The following GSE1 variants were observed in gnomAD, a reference collection of about 807,000 sequenced individuals.
The protein encoded by GSE1 is genetic suppressor element 1.
A neutral mutation model predicts 112.6 loss-of-function variants in GSE1; 32 were observed. That is an observed-to-expected ratio of 0.28 (90% CI 0.21 to 0.38). The LOEUF is 0.38. Among genes scored for constraint, GSE1 ranks in the 10% least tolerant of loss-of-function variants. GSE1 has a pLI of 1.00. For missense variants in GSE1, 2,348 were observed against 1,699.2 expected, an observed-to-expected ratio of 1.38 and a Z score of -6.71; for synonymous variants, 1,115 against 735.6, an observed-to-expected ratio of 1.52 and a Z score of -8.35.
intron 1 of GSE1, among the ~76,000 whole-genome samples, chr16:85,214,671 C>T (rs2075280103): frequency 6.6e-6 from 1 of 152,190 alleles, no homozygotes; most frequent in South Asian, 2.1e-4. Context: ...TCTGAGGCCT[C>T]CCTCTCTGGC....
intron 2 of GSE1, among the ~76,000 whole-genome samples, chr16:85,500,998 G>GTTTTTTTTTTGTT (rs2051342155): frequency 6.2e-5 from 4 of 64,820 alleles, no homozygotes; most frequent in African/African-American, 2.6e-4. Flanking sequence ...GGCCTGTTCT[G>GTTTTTTTTTTGTT]TTTTTTTTTT....
rs201861933 is a variant in GSE1, at chr16:85,661,673, C to T, written c.2168C>T (p.Ala723Val). 2.2e-3 allele frequency: 3,619 copies of T among 1,610,648 alleles called. 6 individuals are homozygous for T. Among genetic ancestry groups the T allele is most frequent in the Non-Finnish European group, 2.9e-3 (3,459 of 1,179,222 alleles). Residue 723 changes from alanine (A) to valine (V), a missense_variant, in exon 9 of 16, where the codon GCC becomes GTC. Ala to Val is a moderately conservative substitution (Grantham distance 64). Transcript: ENST00000253458. ...CCAGTGCCACGGGCCCCCGACCCTG[C>T]CTACATCTATGATGAGTTCCTGCAG... is the stretch of plus-strand genomic sequence containing the variant. ...RPPVPRAPDP[A>V]YIYDEFLQQR...
At chr16:85,454,295 C>T (rs2049765134) in intron 2 of GSE1, among the ~76,000 whole-genome samples, 1 of 152,218 alleles carries the variant, frequency 6.6e-6, no homozygotes, top group African/African-American at 2.4e-5. Flanking sequence ...TGCCCCAGGC[C>T]CTTGGTTCCT....
chr16:85,552,487 A>C (rs2044972887), upstream of GSE1, among the ~76,000 whole-genome samples: 2 of 121,628 alleles, frequency 1.6e-5, 1 homozygote, highest in Non-Finnish European at 3.7e-5. Context: ...GCCCGTCACC[A>C]CGCCCGGCTA....
intron 2 of GSE1, among the ~76,000 whole-genome samples, chr16:85,534,808 C>T (rs1345092946): frequency 6.6e-6 from 1 of 152,194 alleles, no homozygotes; most frequent in Non-Finnish European, 1.5e-5. Flanking sequence ...TGACGTCCGT[C>T]AGCGTTGCTG....
chr16:85,464,995 G>A (rs1175478353), intron 2 of GSE1, among the ~76,000 whole-genome samples: 1 of 152,240 alleles, frequency 6.6e-6, no homozygotes, highest in Non-Finnish European at 1.5e-5. Flanking sequence ...AGGAAACAGT[G>A]TGCTCGTTTT....
chr16:85,580,676 AG>A (rs2046412333), intron 1 of GSE1, among the ~76,000 whole-genome samples: 1 of 152,246 alleles, frequency 6.6e-6, no homozygotes, highest in Admixed American at 6.5e-5. Context: ...CCCGACCCTC[AG>A]GGTGGCTGTA....
chr16:85,653,102 C>T (rs1278403854), intron 3 of GSE1, among the ~76,000 whole-genome samples: 1 of 148,354 alleles, frequency 6.7e-6, no homozygotes, highest in African/African-American at 2.5e-5. Flanking sequence ...AGAACGGCTG[C>T]CCCAGTGACA....
chr16:85,654,266 C>A lies in GSE1; in HGVS notation c.427-12C>A, dbSNP rs143306574. 5.3e-4 allele frequency: 831 copies of A among 1,581,952 alleles called. 4 individuals carry two copies. The African/African-American group carries it at 9.7e-3, about 18-fold the overall frequency. On this transcript the variant is annotated splice_polypyrimidine_tract_variant and intron_variant, in intron 3 of 15. Coordinates refer to ENST00000253458, the MANE Select transcript of GSE1 (RefSeq NM_014615.5). ...CAGGCTCCTGCCCTGACTGGACGCT[C>A]TCCTCCCGCAGGATGCCGGCTCCAG... is the stretch of plus-strand genomic sequence containing the variant.
chr16:85,634,244 G>A (rs1054186541), intron 2 of GSE1, 112 bp downstream of exon 2: 19 of 742,208 alleles, frequency 2.6e-5, no homozygotes, highest in East Asian at 2.0e-4. Context: ...TTCCCACGCC[G>A]TGTGCTCTGC....
At chr16:85,296,019 C>G (rs2045356791) in intron 1 of GSE1, among the ~76,000 whole-genome samples, 1 of 152,188 alleles carries the variant, frequency 6.6e-6, no homozygotes, top group South Asian at 2.1e-4. Context: ...GAAGCCGGCA[C>G]CACAGCTCTC....
intron 2 of GSE1, among the ~76,000 whole-genome samples, chr16:85,634,493 C>T (rs74031897): frequency 6.6e-6 from 1 of 152,188 alleles, no homozygotes; most frequent in Non-Finnish European, 1.5e-5. Flanking sequence ...GAGCTGGGCC[C>T]CAGTGCTCCC....
intron 1 of GSE1, among the ~76,000 whole-genome samples, chr16:85,561,446 T>C (rs988035836): frequency 1.3e-5 from 2 of 151,950 alleles, no homozygotes; most frequent in East Asian, 2.0e-4. Context: ...TCCTGTCGTT[T>C]CTGGAGGGAG....
intron 1 of GSE1, among the ~76,000 whole-genome samples, chr16:85,629,234 G>A (rs1175721813): frequency 1.3e-5 from 2 of 152,168 alleles, no homozygotes; most frequent in African/African-American, 4.8e-5. Context: ...ACACAGCCTC[G>A]GGTATTTCTT....
At chr16:85,671,333 G>A (rs953957057) in intron 15 of GSE1, among the ~76,000 whole-genome samples, 2 of 150,954 alleles carry the variant, frequency 1.3e-5, no homozygotes, top group Non-Finnish European at 3.0e-5. Context: ...CCAGCTACTT[G>A]GGAGGCTGAG....
chr16:85,381,029 C>G (rs1680371535), intron 2 of GSE1, among the ~76,000 whole-genome samples: 1 of 152,238 alleles, frequency 6.6e-6, no homozygotes, highest in African/African-American at 2.4e-5. Flanking sequence ...GCTGTGCAAA[C>G]ACCACCTCCG....
At chr16:85,210,882 G>C (rs770776274) in intron 1 of GSE1, among the ~76,000 whole-genome samples, 17 of 152,178 alleles carry the variant, frequency 1.1e-4, no homozygotes, top group Non-Finnish European at 2.2e-4. Context: ...CTCTTCTTCT[G>C]GCCAAGACCC....
At position 85,649,141 on chromosome 16, in the gene GSE1, C is replaced by G. The variant is rs1024945622; in HGVS notation, c.426+390C>G. Reference sequence around the variant, plus strand: ...TGTCTCCATGTCTGGGTCCTGATCTCCTCTTCTCATAAGGACACCAGTCAG... The same window carrying G: ...TGTCTCCATGTCTGGGTCCTGATCTGCTCTTCTCATAAGGACACCAGTCAG... On this transcript the variant is annotated intron_variant, in intron 3 of 15. Transcript: ENST00000253458. 4.6e-5 allele frequency among the ~76,000 whole-genome samples: 7 copies of G among 152,178 alleles called. No individual in the cohort carries two copies. The South Asian group carries it at 6.2e-4, about 13-fold the overall frequency.
chr16:85,404,076 G>C (rs907824674), intron 2 of GSE1, among the ~76,000 whole-genome samples: 1 of 151,692 alleles, frequency 6.6e-6, no homozygotes, highest in Non-Finnish European at 1.5e-5. Context: ...TCAGAAACCA[G>C]CTTGTGATTG....
Sources: gnomAD v4.1 joint callset for allele counts (sites outside exome capture counted in the v4.1 genomes callset) on GRCh38, gnomAD v4.1.1 for gene constraint, MANE v1.5 for transcripts, NCBI Gene and HGNC (gene_info 2026-07-23, HGNC 2026-07-21) for gene names.